Variants in EXD3 observed in about 807,000 individuals in gnomAD.
EXD3 encodes exonuclease mut-7 homolog.
A neutral mutation model predicts 98.0 loss-of-function variants in EXD3; 92 were observed. That is an observed-to-expected ratio of 0.94 (90% CI 0.79 to 1.12). The LOEUF is 1.12. Among genes scored for constraint, EXD3 ranks in the 50% most tolerant of loss-of-function variants. The pLI is 0.00. For missense variants in EXD3, 1,222 were observed against 1,191.6 expected (o/e 1.03, Z -0.38); for synonymous variants, 569 against 526.0 (o/e 1.08, Z -1.12).
intron 3 of EXD3, among the ~76,000 whole-genome samples, chr9:137,379,005 C>T (rs564190617): frequency 2.0e-4 from 21 of 107,286 alleles, no homozygotes; most frequent in Non-Finnish European, 3.8e-4. Flanking sequence ...GTGAGGGGTA[C>T]AAGGTTCGTG....
intron 3 of EXD3, among the ~76,000 whole-genome samples, chr9:137,382,882 C>T (rs1836389538): frequency 6.6e-6 from 1 of 152,194 alleles, no homozygotes; most frequent in African/African-American, 2.4e-5. Context: ...CTCCCCTGGC[C>T]TCTCCCGCCC....
At chr9:137,312,093 T>C (rs560872864) in intron 19 of EXD3, among the ~76,000 whole-genome samples, 1 of 152,182 alleles carries the variant, frequency 6.6e-6, no homozygotes, top group Non-Finnish European at 1.5e-5. Flanking sequence ...CTTCCATCAG[T>C]GTGGGACGCA....
chr9:137,389,548 C>G (rs1027271675), intron 2 of EXD3, among the ~76,000 whole-genome samples: 19 of 152,144 alleles, frequency 1.2e-4, no homozygotes, highest in Non-Finnish European at 4.4e-5. Flanking sequence ...GTGGACCCCA[C>G]AAGGAGGCAG....
chr9:137,380,048 C>T (rs1306976303), intron 3 of EXD3, among the ~76,000 whole-genome samples: 4 of 151,996 alleles, frequency 2.6e-5, no homozygotes, highest in African/African-American at 9.7e-5. Flanking sequence ...CTTCCAGCTC[C>T]TGTCCTTATC....
rs1185513484 is a variant in EXD3, at chr9:137,407,228, C to G, written c.-47-11824G>C. On this transcript the variant is annotated intron_variant, in intron 1 of 21. Coordinates refer to ENST00000340951, the MANE Select transcript of EXD3 (RefSeq NM_017820.5). This position sits in a 1 kb window ranked among gnomAD's most constrained non-coding sequence, Gnocchi z 4.4. ...GCCGCGTCGGTCCCAGGCGCCTCCCCTACCCGCACGCCCAGGCTGGGTCTC... is the reference window on the plus strand; with the variant it reads ...GCCGCGTCGGTCCCAGGCGCCTCCCGTACCCGCACGCCCAGGCTGGGTCTC... 6.7e-6 allele frequency among the ~76,000 whole-genome samples: 1 copy of G among 149,088 alleles called. No individual in the cohort carries two copies. The highest frequency in any genetic ancestry group is 1.5e-5 in the Non-Finnish European group (1 of 68,010).
At chr9:137,404,658 C>T (rs1016063196) in intron 1 of EXD3, among the ~76,000 whole-genome samples, 1 of 152,134 alleles carries the variant, frequency 6.6e-6, no homozygotes, top group Non-Finnish European at 1.5e-5. Context: ...GTCGGGAGTT[C>T]GAGACCAGCC....
intron 7 of EXD3, among the ~76,000 whole-genome samples, chr9:137,362,371 T>C (rs185224459): frequency 2.8e-4 from 42 of 152,314 alleles, no homozygotes; most frequent in Admixed American, 2.7e-3. Flanking sequence ...CATTAAATGG[T>C]GCAAATGCAT....
intron 17 of EXD3, among the ~76,000 whole-genome samples, chr9:137,328,233 AT>A: frequency 6.6e-6 from 1 of 152,068 alleles, no homozygotes; most frequent in Non-Finnish European, 1.5e-5. Context: ...AAAACAACAA[AT>A]ATACACCCAC....
intron 19 of EXD3, among the ~76,000 whole-genome samples, chr9:137,317,256 G>A (rs1831728975): frequency 6.6e-6 from 1 of 152,148 alleles, no homozygotes; most frequent in African/African-American, 2.4e-5. Context: ...GTGGCGACTG[G>A]ACACAGACCC....
At chr9:137,418,256 G>T (rs1056252571) in intron 1 of EXD3, among the ~76,000 whole-genome samples, 2 of 152,190 alleles carry the variant, frequency 1.3e-5, no homozygotes, top group Non-Finnish European at 2.9e-5. Flanking sequence ...GCTGAGGCAG[G>T]AGAATCGCTT....
Position 137,348,184 on chromosome 9 carries a change from C to A in EXD3, c.1885G>T (p.Ala629Ser), listed in dbSNP as rs770993858. ...EGAAPQIPAR[A>S]FRVVCDNMLQ... The stretch of plus-strand genomic sequence containing the variant: ...ATGTTGTCACACACCACACGGAAGG[C>A]CCTGGCCGGAATCTGAGGGGCAGCG... The change falls in exon 17 of 22, where the codon GCC becomes TCC. Residue 629 changes from alanine (A) to serine (S), a missense_variant. Ala to Ser is a moderately conservative substitution (Grantham distance 99). Transcript: ENST00000340951. The A allele has an allele frequency of 6.2e-7, 1 of 1,612,080 alleles. No homozygotes were observed. Among genetic ancestry groups the A allele is most frequent in the Non-Finnish European group, 8.5e-7 (1 of 1,179,672 alleles).
intron 3 of EXD3, among the ~76,000 whole-genome samples, chr9:137,376,920 T>A (rs11516131): frequency 0.24 from 31,373 of 128,518 alleles, 4,923 homozygotes; most frequent in African/African-American, 0.49. Flanking sequence ...CAAGAGAGAA[T>A]CTCCATCTCA....
At chr9:137,411,788 G>A (rs1010831756) in intron 1 of EXD3, among the ~76,000 whole-genome samples, 2 of 151,796 alleles carry the variant, frequency 1.3e-5, no homozygotes, top group East Asian at 1.9e-4. Flanking sequence ...TCCTGTGGCC[G>A]CGGTGCACAA....
In EXD3 at chr9:137,349,517, G is replaced by A. The variant is rs368947212; in HGVS notation, c.1509C>T (p.Ser503=). Residue 503 remains serine, a synonymous_variant, in exon 15 of 22, where the codon AGC becomes AGT. Transcript: ENST00000340951. The surrounding 1 kb of genome is among the most constrained non-coding windows in gnomAD (Gnocchi z 7.4). ...LLVHRQMRVA[S]VPAPAVDRAR... ...CCCTGTCCACGGCTGGGGCTGGCAC[G>A]CTCGCCACCCGCATCTGCTAAGACA... 48 of 1,591,894 alleles carry A rather than the reference G, an allele frequency of 3.0e-5. No individual in the cohort carries two copies. Among genetic ancestry groups the A allele is most frequent in the Admixed American group, 7.0e-5 (4 of 57,076 alleles).
chr9:137,319,049 C>T (rs1417173133), intron 19 of EXD3, among the ~76,000 whole-genome samples: 7 of 152,246 alleles, frequency 4.6e-5, no homozygotes, highest in African/African-American at 7.2e-5. Flanking sequence ...CGGCGGCAGG[C>T]GCTCTCCAGG....
At chr9:137,406,616 G>A (rs376642426) in intron 1 of EXD3, among the ~76,000 whole-genome samples, 1 of 152,208 alleles carries the variant, frequency 6.6e-6, no homozygotes, top group Admixed American at 6.5e-5. Flanking sequence ...AGACGGCAGC[G>A]GCATTAGTGG....
chr9:137,352,794 G>A lies in EXD3; in HGVS notation c.871-8C>T. ...GCTCTGCCCCACCAGGCCCTGTGAG[G>A]AGGGTGGCCGTGAGGATGGAGATGG... On this transcript the variant is annotated splice_polypyrimidine_tract_variant and splice_region_variant and intron_variant, in intron 10 of 21. Transcript: ENST00000340951. The A allele has an allele frequency of 6.3e-7, 1 of 1,578,822 alleles. No individual in the cohort carries two copies. Among genetic ancestry groups the A allele is most frequent in the Non-Finnish European group, 8.6e-7 (1 of 1,164,814 alleles).
chr9:137,404,383 T>C (rs1232975572), intron 1 of EXD3, among the ~76,000 whole-genome samples: 1 of 152,146 alleles, frequency 6.6e-6, no homozygotes, highest in South Asian at 2.1e-4. Context: ...GGCGTGCCCA[T>C]CTCCCAGATG....
intron 1 of EXD3, among the ~76,000 whole-genome samples, chr9:137,412,172 G>C (rs538625424): frequency 1.3e-5 from 2 of 152,342 alleles, no homozygotes; most frequent in Middle Eastern, 3.4e-3. Context: ...GACCCAGAGC[G>C]AGTGGGCGGG....
Sources: allele counts gnomAD v4.1 joint callset (sites outside exome capture counted in the v4.1 genomes callset), GRCh38; gene constraint gnomAD v4.1.1; non-coding constraint Gnocchi (gnomAD v3.1); transcripts MANE v1.5; gene names NCBI Gene and HGNC (gene_info 2026-07-23, HGNC 2026-07-21).